Variants in EPCAM observed in about 807,000 individuals in gnomAD.
EPCAM encodes the protein adenocarcinoma-associated antigen.
A neutral mutation model predicts 40.0 loss-of-function variants in EPCAM; 39 were observed. The ratio of observed to expected loss-of-function variants is 0.98; its 90% CI spans 0.76 to 1.27. EPCAM has a LOEUF of 1.27. Ranked by LOEUF, EPCAM falls within the 50% of genes most tolerant of loss-of-function variation. The pLI is 0.00. For missense variants in EPCAM, 503 were observed against 381.2 expected (o/e 1.32, Z -2.66); for synonymous variants, 168 against 132.3 (o/e 1.27, Z -1.85).
chr2:47,375,287 A>G lies in EPCAM; in HGVS notation c.479A>G (p.Lys160Arg), dbSNP rs769061123. 4.3e-6 allele frequency: 7 copies of G among 1,611,282 alleles called. No individual in the cohort carries two copies. Among genetic ancestry groups the G allele is most frequent in the African/African-American group, 4.0e-5 (3 of 74,876 alleles). Reference protein sequence around the residue: ...HKAREKPYDSKSLRTALQKEI... With the variant: ...HKAREKPYDSRSLRTALQKEI... The stretch of plus-strand genomic sequence containing the variant: ...GCAAGAGAAAAACCTTATGATAGTA[A>G]AAGTTTGCGGACGTAAGTGCAATTA... The change falls in exon 4 of 9, where the codon AAA (lysine) becomes AGA (arginine). Residue 160 changes from lysine to arginine, a missense_variant. Physicochemically the swap from Lys to Arg is conservative, Grantham distance 26. Transcript: ENST00000263735.
chr2:47,374,882 C>T (rs1671381481), intron 3 of EPCAM, among the ~76,000 whole-genome samples: 1 of 152,154 alleles, frequency 6.6e-6, no homozygotes. Flanking sequence ...AGGCAATCCA[C>T]CCACCTCCAC....
rs762151416 is a variant in EPCAM at position 47,379,025 on chromosome 2, G to A, written c.628G>A (p.Ala210Thr). 2 of 1,593,732 alleles carry A rather than the reference G, an allele frequency of 1.3e-6. No individual in the cohort carries two copies. Among genetic ancestry groups the A allele is most frequent in the African/African-American group, 1.3e-5 (1 of 74,564 alleles). Residue 210 changes from alanine (A) to threonine (T), a missense_variant, in exon 6 of 9, where the codon GCT becomes ACT. Transcript: ENST00000263735. ...AAAAACTCAGAATGATGTGGACATA[G>A]CTGATGTGGCTTATTATTTTGAAAA... ...SQKTQNDVDI[A>T]DVAYYFEKDV... is the part of the protein sequence containing the mutation.
chr2:47,373,680 A>T (rs544483273), intron 2 of EPCAM, 110 bp downstream of exon 2: 1 of 1,459,702 alleles, frequency 6.9e-7, no homozygotes, highest in Admixed American at 1.8e-5. Flanking sequence ...GAATCATGTT[A>T]CAAAGTAAGT....
chr2:47,377,968 C>T (rs184891498), intron 5 of EPCAM, among the ~76,000 whole-genome samples: 2,641 of 152,138 alleles, frequency 0.017, 41 homozygotes, highest in Non-Finnish European at 0.025. Context: ...CACGGTGGCT[C>T]ACGCCTGTAA....
Position 47,369,570 on chromosome 2 carries a change from C to A in EPCAM, c.65C>A (p.Ala22Glu). 1.3e-6 allele frequency: 2 copies of A among 1,589,890 alleles called. No homozygotes were observed. The highest frequency in any genetic ancestry group is 1.7e-6 in the Non-Finnish European group (2 of 1,171,110). The stretch of plus-strand genomic sequence containing the variant: ...GCCGCGGCGACGGCGACTTTTGCCG[C>A]AGCTCAGGAAGGTGAGGCGCGGATT... ...LLAAATATFA[A>E]AQEECVCENY... is the part of the protein sequence containing the mutation. Residue 22 changes from alanine to glutamate, a missense_variant, in exon 1 of 9, where the codon GCA (alanine) becomes GAA (glutamate). By Grantham distance (107) the Ala-to-Glu change is moderately radical. Transcript: ENST00000263735.
chr2:47,377,917 A>G (rs920706653), intron 5 of EPCAM: 5 of 297,482 alleles, frequency 1.7e-5, no homozygotes, highest in South Asian at 8.1e-5. Context: ...TTTAGAAAGA[A>G]TGTACTTTTT....
chr2:47,381,720 A>G (rs1671595774), intron 7 of EPCAM, among the ~76,000 whole-genome samples: 1 of 152,170 alleles, frequency 6.6e-6, no homozygotes, highest in Non-Finnish European at 1.5e-5. Context: ...GGTAGGGGAA[A>G]TTATGTAAGG....
In EPCAM at chr2:47,373,587, A is replaced by G. The variant is rs1323564660; in HGVS notation, c.184+17A>G. 1.9e-6 allele frequency: 3 copies of G among 1,566,686 alleles called. No individual in the cohort carries two copies. The highest frequency in any genetic ancestry group is 1.4e-5 in the African/African-American group (1 of 74,038). ...GCTCAAAGCGTGAGTAAAATATCCT[A>G]ATTACCTGTAAGCTTTATTTTGACT... On this transcript the variant is annotated intron_variant, in intron 2 of 8. Transcript: ENST00000263735.
chr2:47,377,048 C>G lies in EPCAM; in HGVS notation c.526C>G (p.Leu176Val), dbSNP rs1671446378. Reference sequence around the variant, plus strand: ...GAAGGAGATCACAACGCGTTATCAACTGGATCCAAAATTTATCACGAGTAT... The same window carrying G: ...GAAGGAGATCACAACGCGTTATCAAGTGGATCCAAAATTTATCACGAGTAT... Reference protein sequence around the residue: ...LQKEITTRYQLDPKFITSILY... With the variant: ...LQKEITTRYQVDPKFITSILY... Residue 176 changes from leucine to valine, a missense_variant, in exon 5 of 9, where the codon CTG becomes GTG. Leu to Val is a conservative substitution (Grantham distance 32). Coordinates refer to ENST00000263735, the MANE Select transcript of EPCAM (RefSeq NM_002354.3). 1 of 1,610,396 alleles carries G rather than the reference C, an allele frequency of 6.2e-7. No individual in the cohort carries two copies. The highest frequency in any genetic ancestry group is 8.5e-7 in the Non-Finnish European group (1 of 1,176,682).
In EPCAM at chr2:47,373,538, T is replaced by G. The variant is rs1180392986; in HGVS notation, c.152T>G (p.Val51Gly). 6.2e-7 allele frequency: 1 copy of G among 1,613,588 alleles called. No homozygotes were observed. Among genetic ancestry groups the G allele is most frequent in the Non-Finnish European group, 8.5e-7 (1 of 1,179,616 alleles). ...AATCGTCAATGCCAGTGTACTTCAG[T>G]TGGTGCACAAAATACTGTCATTTGC... ...NNNRQCQCTS[V>G]GAQNTVICSK... The change falls in exon 2 of 9, where the codon GTT becomes GGT. Residue 51 changes from valine (V) to glycine (G), a missense_variant. Coordinates refer to ENST00000263735, the MANE Select transcript of EPCAM (RefSeq NM_002354.3).
chr2:47,379,496 G>A (rs1024293827), intron 6 of EPCAM, among the ~76,000 whole-genome samples: 4 of 152,182 alleles, frequency 2.6e-5, no homozygotes, highest in African/African-American at 4.8e-5. Context: ...ATGAAAGGAA[G>A]AAAAGATGAA....
Position 47,369,473 on chromosome 2 carries a change from C to T in EPCAM, c.-33C>T, listed in dbSNP as rs2103737764. On this transcript the variant is annotated 5_prime_UTR_variant, in exon 1 of 9. Coordinates refer to ENST00000263735, the MANE Select transcript of EPCAM (RefSeq NM_002354.3). ...ACGCCCTCCCGCGAGTCCCGGGCCC[C>T]TCCCGCGCCCCTCTTCTCGGCGCGC... The T allele has an allele frequency of 1.3e-6, 2 of 1,489,800 alleles. No individual in the cohort carries two copies. Among genetic ancestry groups the T allele is most frequent in the Non-Finnish European group, 8.9e-7 (1 of 1,124,660 alleles). 92.3% of individuals were successfully genotyped at this position (1,489,800 alleles called of 1,614,324 possible). A position where few individuals can be genotyped will look rare whatever the true frequency, so the allele number is the denominator to read the frequency against.
At chr2:47,386,470 C>T in intron 8 of EPCAM, 102 bp from the exon 9 acceptor site, 1 of 875,296 alleles carries the variant, frequency 1.1e-6, no homozygotes, top group Non-Finnish European at 1.8e-6. Context: ...AAAAAATTAT[C>T]TTGTGTTCCT....
chr2:47,377,957 G>A (rs998551653), intron 5 of EPCAM, among the ~76,000 whole-genome samples: 17 of 152,030 alleles, frequency 1.1e-4, no homozygotes, highest in Admixed American at 2.0e-4. Flanking sequence ...TGATGGCCGG[G>A]CACGGTGGCT....
At chr2:47,380,782 G>A (rs1016939681) in intron 7 of EPCAM, among the ~76,000 whole-genome samples, 8 of 152,070 alleles carry the variant, frequency 5.3e-5, no homozygotes, top group East Asian at 1.9e-4. Flanking sequence ...AGGATGCTTC[G>A]GTATCAAGAA....
rs1326194152 is a variant in EPCAM, at chr2:47,375,263, C to T, written c.455C>T (p.Ala152Val). 6.2e-7 allele frequency: 1 copy of T among 1,612,060 alleles called. No individual in the cohort carries two copies. Among genetic ancestry groups the T allele is most frequent in the Non-Finnish European group, 8.5e-7 (1 of 1,178,310 alleles). Residue 152 changes from alanine to valine, a missense_variant, in exon 4 of 9, where the codon GCA becomes GTA. Coordinates refer to ENST00000263735, the MANE Select transcript of EPCAM (RefSeq NM_002354.3). ...YWIIIELKHKAREKPYDSKSL... is the reference protein window; with the variant it reads ...YWIIIELKHKVREKPYDSKSL... The stretch of plus-strand genomic sequence containing the variant: ...ATCATCATTGAACTAAAACACAAAG[C>T]AAGAGAAAAACCTTATGATAGTAAA...
chr2:47,370,536 A>T (rs889535197), intron 1 of EPCAM, among the ~76,000 whole-genome samples: 7 of 150,976 alleles, frequency 4.6e-5, no homozygotes, highest in Admixed American at 1.3e-4. Flanking sequence ...CGGCCTCCCA[A>T]AGTGCTGTGA....
In EPCAM at chr2:47,379,060, T is replaced by A. The variant is rs370631241; in HGVS notation, c.657+6T>A. 1 of 1,401,666 alleles carries A rather than the reference T, an allele frequency of 7.1e-7. No homozygotes were observed. The highest frequency in any genetic ancestry group is 1.0e-6 in the Non-Finnish European group (1 of 986,440). 86.8% of individuals were successfully genotyped at this position (1,401,666 alleles called of 1,614,324 possible). ...CTTATTATTTTGAAAAAGATGTGAG[T>A]ATCATCTTCTTTATTCCTGTGTTCA... On this transcript the variant is annotated splice_donor_region_variant and intron_variant, in intron 6 of 8. Coordinates refer to ENST00000263735, the MANE Select transcript of EPCAM (RefSeq NM_002354.3).
intron 7 of EPCAM, 72 bp downstream of exon 7, chr2:47,380,041 G>A (rs757006487): frequency 3.0e-5 from 46 of 1,548,790 alleles, no homozygotes; most frequent in South Asian, 1.4e-4. Flanking sequence ...GGCTGGGCGC[G>A]GTGGCTCACC....
Sources: allele counts gnomAD v4.1 joint callset (sites outside exome capture counted in the v4.1 genomes callset), GRCh38; gene constraint gnomAD v4.1.1; transcripts MANE v1.5; gene names NCBI Gene and HGNC (gene_info 2026-07-23, HGNC 2026-07-21).